Variants in WWOX observed in about 807,000 individuals in gnomAD.
The protein encoded by WWOX is WW domain containing oxidoreductase.
A neutral mutation model predicts 46.2 loss-of-function variants in WWOX; 69 were observed. That is an observed-to-expected ratio of 1.49 (90% CI 1.23 to 1.82). The LOEUF (loss-of-function observed/expected upper bound fraction) is 1.82, where lower values mean the gene tolerates loss of function less well. Ranked by LOEUF, WWOX falls within the 40% of genes most tolerant of loss-of-function variation. The probability of loss-of-function intolerance (pLI) is 0.00; values close to 1 mark genes in which losing one functional copy is unlikely to be tolerated. For missense variants in WWOX, 919 were observed against 542.6 expected, an observed-to-expected ratio of 1.69 and a Z score of -6.89; for synonymous variants, 359 against 202.6, an observed-to-expected ratio of 1.77 and a Z score of -6.56.
chr16:78,667,735 T>C (rs1193656873), intron 8 of WWOX, among the ~76,000 whole-genome samples: 1 of 151,552 alleles, frequency 6.6e-6, no homozygotes, highest in Non-Finnish European at 1.5e-5. Flanking sequence ...GAACACCCAT[T>C]ACTCTGCTCA....
intron 8 of WWOX, among the ~76,000 whole-genome samples, chr16:78,701,831 T>C (rs2048224221): frequency 6.6e-6 from 1 of 151,408 alleles, no homozygotes; most frequent in Non-Finnish European, 1.5e-5. Context: ...CTCTCCATGA[T>C]GGCGCAGCTC....
intron 8 of WWOX, among the ~76,000 whole-genome samples, chr16:79,149,518 G>C (rs2050238838): frequency 6.6e-6 from 1 of 152,148 alleles, no homozygotes. Flanking sequence ...ACTGTTTGTT[G>C]GGTGGGTTCC....
intron 8 of WWOX, among the ~76,000 whole-genome samples, chr16:78,584,690 G>C (rs2045150382): frequency 6.6e-6 from 1 of 152,202 alleles, no homozygotes. Flanking sequence ...AATTTTCCAT[G>C]TGAGAGAAGT....
chr16:78,497,596 C>T (rs2084947952), intron 8 of WWOX, among the ~76,000 whole-genome samples: 2 of 152,196 alleles, frequency 1.3e-5, no homozygotes, highest in African/African-American at 4.8e-5. Context: ...AATGTACACA[C>T]AGCGTAAATG....
chr16:78,950,533 T>TACACACACACACACACACAC (rs141591649), intron 8 of WWOX, among the ~76,000 whole-genome samples: 2 of 147,060 alleles, frequency 1.4e-5, no homozygotes, highest in Non-Finnish European at 3.0e-5. Context: ...CACACACACA[T>TACACACACACACACACACAC]ACACACACAC....
chr16:78,526,083 C>T (rs558258204), intron 8 of WWOX: 3 of 152,294 alleles, frequency 2.0e-5, no homozygotes, highest in African/African-American at 7.2e-5. Context: ...CATGCTCACA[C>T]ACCAGCCCTG....
chr16:78,967,091 A>T (rs779678672), intron 8 of WWOX, among the ~76,000 whole-genome samples: 20 of 152,118 alleles, frequency 1.3e-4, no homozygotes, highest in Admixed American at 7.9e-4. Context: ...CTTTCCCCAT[A>T]GTCATGCATC....
At chr16:78,242,208 C>T (rs115566445) in intron 5 of WWOX, among the ~76,000 whole-genome samples, 2,492 of 152,276 alleles carry the variant, frequency 0.016, 58 homozygotes, top group African/African-American at 0.053. Context: ...TAAACAGCCA[C>T]TTTGTAATAC....
At chr16:78,661,883 A>C (rs2047222301) in intron 8 of WWOX, among the ~76,000 whole-genome samples, 1 of 152,216 alleles carries the variant, frequency 6.6e-6, no homozygotes, top group Admixed American at 6.5e-5. Context: ...TCTCTACAAA[A>C]AATACAAAAA....
intron 8 of WWOX, among the ~76,000 whole-genome samples, chr16:78,745,522 CT>C (rs5818168): frequency 0.055 from 5,093 of 92,774 alleles, 127 homozygotes; most frequent in African/African-American, 0.19. Context: ...TGTGGAAATC[CT>C]TTTTTTTTTT....
chr16:78,902,536 C>G (rs184329779), intron 8 of WWOX, among the ~76,000 whole-genome samples: 1 of 152,336 alleles, frequency 6.6e-6, no homozygotes, highest in Admixed American at 6.5e-5. Flanking sequence ...GGCCTTCCCC[C>G]GTGACTGCTG....
chr16:78,718,566 C>G (rs936762753), intron 8 of WWOX, among the ~76,000 whole-genome samples: 20 of 152,046 alleles, frequency 1.3e-4, no homozygotes, highest in African/African-American at 4.8e-4. Context: ...CTGAGCCAAG[C>G]ATGGGTGGTC....
intron 8 of WWOX, among the ~76,000 whole-genome samples, chr16:78,847,781 AAAG>A (rs964289602): frequency 1.3e-4 from 20 of 152,266 alleles, no homozygotes; most frequent in Non-Finnish European, 1.8e-4. Flanking sequence ...TTAAAAAAAA[AAAG>A]AAGAAGAAAA....
At chr16:78,246,763 T>C (rs34658292) in intron 5 of WWOX, among the ~76,000 whole-genome samples, 3,003 of 152,296 alleles carry the variant, frequency 0.02, 43 homozygotes, top group Middle Eastern at 0.031. Flanking sequence ...CTTTTAACCT[T>C]GTTCAGGTGG....
chr16:78,919,319 A>G (rs1353304246), intron 8 of WWOX, among the ~76,000 whole-genome samples: 1 of 151,934 alleles, frequency 6.6e-6, no homozygotes, highest in Admixed American at 6.6e-5. Context: ...CAACTCACCC[A>G]GGATCAAGCA....
chr16:78,781,510 A>G (rs1180824556), intron 8 of WWOX, among the ~76,000 whole-genome samples: 1 of 152,182 alleles, frequency 6.6e-6, no homozygotes, highest in African/African-American at 2.4e-5. Context: ...TATAGACATT[A>G]TGACCCTTTA....
At chr16:78,252,580 G>C (rs1034573451) in intron 5 of WWOX, among the ~76,000 whole-genome samples, 10 of 152,160 alleles carry the variant, frequency 6.6e-5, no homozygotes, top group Non-Finnish European at 1.5e-4. Flanking sequence ...TTTAGCATTT[G>C]TGTTGACAAT....
chr16:78,401,831 C>CT (rs1345468180), intron 6 of WWOX, among the ~76,000 whole-genome samples: 1 of 152,070 alleles, frequency 6.6e-6, no homozygotes, highest in Non-Finnish European at 1.5e-5. Context: ...TACTGAGTAG[C>CT]TGGGATTACA....
chr16:79,035,309 C>A (rs776519848), intron 8 of WWOX, among the ~76,000 whole-genome samples: 1 of 152,156 alleles, frequency 6.6e-6, no homozygotes, highest in East Asian at 1.9e-4. Flanking sequence ...CCTTTGATTT[C>A]CAATGGGAGG....
Sources: allele counts gnomAD v4.1 joint callset (sites outside exome capture counted in the v4.1 genomes callset), GRCh38; gene constraint gnomAD v4.1.1; transcripts MANE v1.5; gene names NCBI Gene and HGNC (gene_info 2026-07-23, HGNC 2026-07-21).